The following PKP4 variants were observed in gnomAD, a reference collection of about 807,000 sequenced individuals.
PKP4 encodes the protein plakophilin 4.
PKP4 carries 90 observed loss-of-function variants against 145.1 expected under a neutral mutation model. The observed-to-expected ratio is 0.62, with a 90% CI of 0.52 to 0.74. The LOEUF (loss-of-function observed/expected upper bound fraction) is 0.74. Among genes scored for constraint, PKP4 ranks in the 30% least tolerant of loss-of-function variants. PKP4 has a pLI of 0.00. For synonymous variants in PKP4, 563 were observed against 577.2 expected, an observed-to-expected ratio of 0.98 and a Z score of 0.35; for missense variants, 1,340 against 1,482.7, an observed-to-expected ratio of 0.90 and a Z score of 1.58.
chr2:158,663,728 T>A (rs535439781), intron 15 of PKP4, among the ~76,000 whole-genome samples: 2 of 151,970 alleles, frequency 1.3e-5, no homozygotes, highest in East Asian at 3.9e-4. Context: ...TGCTGTGGGG[T>A]CCTGAAAGAA....
intron 1 of PKP4, among the ~76,000 whole-genome samples, chr2:158,468,498 CAA>C (rs1691008276): frequency 6.6e-6 from 1 of 151,976 alleles, no homozygotes. Flanking sequence ...TTTTCTATAA[CAA>C]TATTATATTT....
chr2:158,538,692 C>T (rs1246221508), intron 2 of PKP4, among the ~76,000 whole-genome samples: 1 of 151,988 alleles, frequency 6.6e-6, no homozygotes, highest in Non-Finnish European at 1.5e-5. Context: ...CAGGTGTCTG[C>T]CACTACACCC....
chr2:158,638,639 G>A (rs1347854597), intron 9 of PKP4, among the ~76,000 whole-genome samples: 5 of 152,186 alleles, frequency 3.3e-5, no homozygotes, highest in Admixed American at 3.3e-4. Context: ...GATTGGGGGT[G>A]CAGGTGGGGT....
intron 17 of PKP4, among the ~76,000 whole-genome samples, chr2:158,671,332 T>C (rs1382424728): frequency 1.3e-5 from 2 of 150,146 alleles, no homozygotes; most frequent in Non-Finnish European, 3.0e-5. Flanking sequence ...AGTCTTTTTT[T>C]TAAATGTATT....
chr2:158,461,661 T>G (rs1689789196), intron 1 of PKP4, among the ~76,000 whole-genome samples: 1 of 151,922 alleles, frequency 6.6e-6, no homozygotes, highest in African/African-American at 2.4e-5. Flanking sequence ...CAATATAGGG[T>G]AGGGAGGGAG....
chr2:158,469,885 A>G (rs565062881), intron 1 of PKP4, among the ~76,000 whole-genome samples: 14 of 152,256 alleles, frequency 9.2e-5, no homozygotes, highest in South Asian at 4.1e-4. Context: ...TTCTGTGATT[A>G]CCTGTTATGT....
intron 12 of PKP4, chr2:158,658,790 A>G (rs942123660): frequency 6.4e-6 from 1 of 157,096 alleles, no homozygotes; most frequent in Admixed American, 6.5e-5. Flanking sequence ...GTTAAAATCT[A>G]TATATAAAGC....
intron 1 of PKP4, among the ~76,000 whole-genome samples, chr2:158,530,091 A>G (rs577023492): frequency 6.0e-4 from 92 of 152,274 alleles, no homozygotes; most frequent in South Asian, 1.7e-3. Flanking sequence ...TTCTAATATC[A>G]TACACGCCCC....
chr2:158,671,068 C>G (rs574781780), intron 17 of PKP4, among the ~76,000 whole-genome samples: 23 of 152,280 alleles, frequency 1.5e-4, no homozygotes, highest in African/African-American at 5.3e-4. Flanking sequence ...ATGTCTTCCT[C>G]TTATACCTGA....
chr2:158,626,738 A>G (rs1389454740), intron 7 of PKP4, among the ~76,000 whole-genome samples: 2 of 152,130 alleles, frequency 1.3e-5, no homozygotes, highest in Non-Finnish European at 2.9e-5. Flanking sequence ...CATTGTTTTT[A>G]AGGGCTTTTA....
At chr2:158,566,415 CAATT>C (rs1428342384) in intron 2 of PKP4, among the ~76,000 whole-genome samples, 2 of 152,034 alleles carry the variant, frequency 1.3e-5, no homozygotes, top group Admixed American at 6.5e-5. Context: ...ACTGTGTAGT[CAATT>C]AACCCCCAAA....
chr2:158,645,616 C>A (rs1259380129), intron 11 of PKP4, among the ~76,000 whole-genome samples: 1 of 152,232 alleles, frequency 6.6e-6, no homozygotes, highest in East Asian at 1.9e-4. Flanking sequence ...GGACAAATGA[C>A]ATGGAAAACA....
At chr2:158,515,761 G>C (rs957326623) in intron 1 of PKP4, among the ~76,000 whole-genome samples, 1 of 152,050 alleles carries the variant, frequency 6.6e-6, no homozygotes, top group Non-Finnish European at 1.5e-5. Context: ...AAAAAATGGG[G>C]GTTGGCTGAC....
chr2:158,496,790 G>GTGTGTGTGTGTGTGTGTCTGTGTC (rs146738816), intron 1 of PKP4, among the ~76,000 whole-genome samples: 1 of 149,954 alleles, frequency 6.7e-6, no homozygotes, highest in Non-Finnish European at 1.5e-5. Flanking sequence ...GTGTGTGTGT[G>GTGTGTGTGTGTGTGTGTCTGTGTC]TGTGTCTGTG....
chr2:158,471,765 G>GA lies in PKP4; in HGVS notation c.-6+14553dup, dbSNP rs1691605915. On this transcript the variant is annotated intron_variant, in intron 1 of 21. Coordinates refer to ENST00000389759, the MANE Select transcript of PKP4 (RefSeq NM_003628.6). ...TTATTGAACTAAGCATTATTTCAAA[G>GA]AAAAAAGAACTAGTCATTGAAAAGT... 3.9e-5 allele frequency among the ~76,000 whole-genome samples: 6 copies of GA among 152,164 alleles called. No individual in the cohort carries two copies. The South Asian group carries it at 1.2e-3, about 32-fold the overall frequency.
At chr2:158,619,584 G>C (rs2051996990) in intron 4 of PKP4, among the ~76,000 whole-genome samples, 1 of 152,166 alleles carries the variant, frequency 6.6e-6, no homozygotes, top group African/African-American at 2.4e-5. Context: ...CAGTCCCTAA[G>C]AAGTTTGCTT....
intron 1 of PKP4, among the ~76,000 whole-genome samples, chr2:158,489,227 T>C (rs780664758): frequency 5.3e-5 from 8 of 152,340 alleles, no homozygotes; most frequent in Non-Finnish European, 1.0e-4. Context: ...TTTGATATTA[T>C]TTCTCTGGGT....
intron 1 of PKP4, among the ~76,000 whole-genome samples, chr2:158,506,475 A>G (rs199923123): frequency 1.3e-5 from 2 of 152,184 alleles, no homozygotes; most frequent in East Asian, 3.9e-4. Flanking sequence ...GTCCTTAAGT[A>G]TATGTTGCTA....
At chr2:158,666,866 A>G (rs1482299122) in intron 16 of PKP4, among the ~76,000 whole-genome samples, 1 of 152,194 alleles carries the variant, frequency 6.6e-6, no homozygotes, top group African/African-American at 2.4e-5. Context: ...CTATATCCTG[A>G]GCAACAAAAA....
Sources: allele counts gnomAD v4.1 joint callset (sites outside exome capture counted in the v4.1 genomes callset), GRCh38; gene constraint gnomAD v4.1.1; transcripts MANE v1.5; gene names NCBI Gene and HGNC (gene_info 2026-07-23, HGNC 2026-07-21).